The following AKAP8 variants were observed in gnomAD, a reference collection of about 807,000 sequenced individuals.
AKAP8 encodes the protein A-kinase anchor protein 8.
Under a neutral mutation model 67.5 loss-of-function variants are expected in AKAP8, and 24 were observed. The ratio of observed to expected loss-of-function variants is 0.36; its 90% CI spans 0.26 to 0.50. The LOEUF is 0.50. Among genes scored for constraint, AKAP8 ranks in the 20% least tolerant of loss-of-function variants. The pLI is 0.97. For missense variants in AKAP8, 971 were observed against 955.9 expected, an observed-to-expected ratio of 1.02 and a Z score of -0.21; for synonymous variants, 400 against 371.1, an observed-to-expected ratio of 1.08 and a Z score of -0.90.
At chr19:15,360,727 G>A (rs1568423763) in intron 12 of AKAP8, 121 bp downstream of exon 12, 1 of 1,251,746 alleles carries the variant, frequency 8.0e-7, no homozygotes, top group African/African-American at 1.5e-5. Context: ...ATCGATGGAA[G>A]TGATAGACTT....
At position 15,373,821 on chromosome 19, in the gene AKAP8, G is replaced by A. The variant is rs775182131; in HGVS notation, c.336C>T (p.Ser112=). ...CCTGTATGCCCTCCCCACCGCCGCC[G>A]CTCCCGCCCCTGCCTCCTTCCTTGG... ...MMSKEGGRGG[S]GGGGEGIQDR... Residue 112 remains serine (S), a synonymous_variant, in exon 4 of 14, where the codon AGC becomes AGT. Transcript: ENST00000269701. The A allele has an allele frequency of 3.0e-5, 49 of 1,611,350 alleles. No homozygotes were observed. The highest frequency in any genetic ancestry group is 3.8e-5 in the Non-Finnish European group (45 of 1,179,844).
chr19:15,376,963 A>G lies in AKAP8; in HGVS notation c.58+13T>C. 6.2e-7 allele frequency: 1 copy of G among 1,611,674 alleles called. No individual in the cohort carries two copies. Among genetic ancestry groups the G allele is most frequent in the Non-Finnish European group, 8.5e-7 (1 of 1,179,034 alleles). ...GAAGCCCACGCCTCACCCGCAAAGC[A>G]GAGCCCACTTACCCTGGGTGTTGGC... On this transcript the variant is annotated intron_variant, in intron 2 of 13. Transcript: ENST00000269701.
chr19:15,375,419 C>T (rs918113436), intron 2 of AKAP8, among the ~76,000 whole-genome samples: 22 of 152,106 alleles, frequency 1.4e-4, no homozygotes, highest in African/African-American at 5.3e-4. Flanking sequence ...CAGGCTCTGC[C>T]CTCAGCTAAG....
Position 15,379,698 on chromosome 19 carries a change from G to A in AKAP8, c.19+15C>T. The A allele has an allele frequency of 1.2e-6, 2 of 1,608,340 alleles. No individual in the cohort carries two copies. The highest frequency in any genetic ancestry group is 2.3e-5 in the East Asian group (1 of 44,306). On this transcript the variant is annotated intron_variant, in intron 1 of 13. Coordinates refer to ENST00000269701, the MANE Select transcript of AKAP8 (RefSeq NM_005858.4). The stretch of plus-strand genomic sequence containing the variant: ...GCCTTCCCTCCCCGCTCCGCACCCA[G>A]CAGCCAACACAAACCTCCGTAGCCC...
chr19:15,377,821 G>A (rs1427342291), intron 1 of AKAP8, among the ~76,000 whole-genome samples: 1 of 152,130 alleles, frequency 6.6e-6, no homozygotes, highest in African/African-American at 2.4e-5. Context: ...AAGTCCCAGA[G>A]CCTTCGCCTG....
rs762223478 is a variant in AKAP8 at position 15,376,931 on chromosome 19, G to A, written c.58+45C>T. 1.9e-6 allele frequency: 3 copies of A among 1,596,322 alleles called. No homozygotes were observed. In the South Asian group the frequency reaches 3.4e-5, roughly 18 times the overall value. ...CAGCTCTGCCATGCTAGGGCCTTGA[G>A]TTAGGGGAAGCCCACGCCTCACCCG... On this transcript the variant is annotated intron_variant, in intron 2 of 13. Transcript: ENST00000269701.
intron 1 of AKAP8, 36 bp downstream of exon 1, chr19:15,379,677 T>C: frequency 6.2e-7 from 1 of 1,601,232 alleles, no homozygotes; most frequent in Non-Finnish European, 8.5e-7. Context: ...CACAGAGCCT[T>C]CCCTCCCCGC....
chr19:15,378,920 T>G (rs1287292552), intron 1 of AKAP8: 1 of 152,868 alleles, frequency 6.5e-6, no homozygotes, highest in South Asian at 2.1e-4. Context: ...CCTCGGCCCC[T>G]CCAGGCCACC....
rs1397131057 is a variant in AKAP8 at position 15,354,998 on chromosome 19, T to C, written c.1996A>G (p.Arg666Gly). The change falls in exon 14 of 14, where the codon AGA becomes GGA. Residue 666 changes from arginine to glycine, a missense_variant. Arg to Gly is a moderately radical substitution (Grantham distance 125). Coordinates refer to ENST00000269701, the MANE Select transcript of AKAP8 (RefSeq NM_005858.4). Reference protein sequence around the residue: ...MAAEAESAQTRVAPAPAAADA... With the variant: ...MAAEAESAQTGVAPAPAAADA... Reference sequence around the variant, plus strand: ...GCGGCAGCTGGGGCAGGAGCAACTCTGGTTTGGGCACTTTCTGCCTCTGCT... The same window carrying C: ...GCGGCAGCTGGGGCAGGAGCAACTCCGGTTTGGGCACTTTCTGCCTCTGCT... The C allele has an allele frequency of 2.5e-6, 4 of 1,614,212 alleles. No homozygotes were observed. Among genetic ancestry groups the C allele is most frequent in the Non-Finnish European group, 3.4e-6 (4 of 1,180,042 alleles).
intron 8 of AKAP8, 72 bp from the exon 9 acceptor site, chr19:15,368,394 G>C: frequency 1.4e-5 from 22 of 1,605,656 alleles, no homozygotes; most frequent in Non-Finnish European, 1.9e-5. Flanking sequence ...GCCTGGTCGG[G>C]GGGCTGCAGC....
intron 12 of AKAP8, among the ~76,000 whole-genome samples, chr19:15,360,007 C>T (rs1163181808): frequency 6.6e-6 from 1 of 151,756 alleles, no homozygotes; most frequent in African/African-American, 2.4e-5. Flanking sequence ...TTGTGGTGGG[C>T]GCCTGTAATC....
At position 15,373,227 on chromosome 19, in the gene AKAP8, C is replaced by T. The variant is rs558615660; in HGVS notation, c.485G>A (p.Arg162His). The part of the protein sequence containing the change: ...YDYEFDLGSD[R>H]NGSFGGQYSE... ...GTACTGCCCCCCAAAGCTGCCATTG[C>T]GGTCGGACCCCAGGTCGAACTCATA... The change falls in exon 5 of 14, where the codon CGC (arginine) becomes CAC (histidine). Residue 162 changes from arginine to histidine, a missense_variant. Physicochemically the swap from Arg to His is conservative, Grantham distance 29. Transcript: ENST00000269701. 1.4e-5 allele frequency: 23 copies of T among 1,613,982 alleles called. No homozygotes were observed. Among genetic ancestry groups the T allele is most frequent in the East Asian group, 2.2e-5 (1 of 44,882 alleles).
rs2048263119 is a variant in AKAP8 at position 15,354,347 on chromosome 19, G to A, written c.*568C>T. The A allele has an allele frequency of 6.4e-6, 1 of 156,506 alleles. No homozygotes were observed. Among genetic ancestry groups the A allele is most frequent in the Non-Finnish European group, 1.4e-5 (1 of 70,510 alleles). 9.7% of individuals were successfully genotyped at this position (156,506 alleles called of 1,614,324 possible). A position where few individuals can be genotyped will look rare whatever the true frequency, so the allele number is the denominator to read the frequency against. On this transcript the variant is annotated 3_prime_UTR_variant, in exon 14 of 14. Coordinates refer to ENST00000269701, the MANE Select transcript of AKAP8 (RefSeq NM_005858.4). ...GGTGTGTTTCCAGTGGCGTAGGTCG[G>A]TCAGATACTTCTGGCCTTTGGGAGT...
chr19:15,364,949 G>C (rs1049535261), intron 9 of AKAP8, among the ~76,000 whole-genome samples: 1 of 152,174 alleles, frequency 6.6e-6, no homozygotes, highest in Non-Finnish European at 1.5e-5. Flanking sequence ...CAAGAGTTCC[G>C]ACTTCCCAAA....
intron 1 of AKAP8, among the ~76,000 whole-genome samples, chr19:15,377,662 G>A (rs1967276976): frequency 6.6e-6 from 1 of 152,156 alleles, no homozygotes; most frequent in Non-Finnish European, 1.5e-5. Flanking sequence ...TAGAGACGGG[G>A]TTTCACCATG....
chr19:15,361,248 A>G (rs980298063), intron 11 of AKAP8, among the ~76,000 whole-genome samples: 4 of 126,496 alleles, frequency 3.2e-5, no homozygotes, highest in African/African-American at 1.3e-4. Flanking sequence ...GCTGCAATCT[A>G]TGCAAGGCCA....
rs2048266265 is a variant in AKAP8, at chr19:15,354,809, T to C, written c.*106A>G. ...CTGGGTCTCTTCACCAAAATTAGAT[T>C]ACAGCATATTCTGGGAGCACACGCC... On this transcript the variant is annotated 3_prime_UTR_variant, in exon 14 of 14. Coordinates refer to ENST00000269701, the MANE Select transcript of AKAP8 (RefSeq NM_005858.4). 2 of 1,345,256 alleles carry C rather than the reference T, an allele frequency of 1.5e-6. No individual in the cohort carries two copies. Among genetic ancestry groups the C allele is most frequent in the East Asian group, 4.6e-5 (2 of 43,088 alleles). 83.3% of individuals were successfully genotyped at this position (1,345,256 alleles called of 1,614,324 possible). A position where few individuals can be genotyped will look rare whatever the true frequency, so the allele number is the denominator to read the frequency against.
chr19:15,373,428 C>T, intron 4 of AKAP8, 88 bp from the exon 5 acceptor site: 2 of 1,466,604 alleles, frequency 1.4e-6, no homozygotes, highest in Non-Finnish European at 1.8e-6. Flanking sequence ...CCCCTACATT[C>T]AAAACAGCAA....
intron 10 of AKAP8, 112 bp from the exon 11 acceptor site, chr19:15,361,934 C>T (rs1421518332): frequency 1.5e-6 from 2 of 1,349,758 alleles, no homozygotes; most frequent in African/African-American, 1.5e-5. Context: ...TGGGGCAGCA[C>T]AGCACGATGG....
Sources: gnomAD v4.1 joint callset for allele counts (sites outside exome capture counted in the v4.1 genomes callset) on GRCh38, gnomAD v4.1.1 for gene constraint, MANE v1.5 for transcripts, NCBI Gene and HGNC (gene_info 2026-07-23, HGNC 2026-07-21) for gene names.